Variants in ITFG1 observed in about 807,000 individuals in gnomAD.
The protein encoded by ITFG1 is T-cell immunomodulatory protein.
Under a neutral mutation model 81.8 loss-of-function variants are expected in ITFG1, and 34 were observed. That is an observed-to-expected ratio of 0.42 (90% confidence interval 0.32 to 0.55). The LOEUF (loss-of-function observed/expected upper bound fraction) is 0.55, where lower values mean the gene tolerates loss of function less well. Ranked by LOEUF, ITFG1 falls within the 20% of genes least tolerant of loss-of-function variation. The probability of loss-of-function intolerance (pLI) is 0.17; values close to 1 mark genes in which losing one functional copy is unlikely to be tolerated. For synonymous variants in ITFG1, 285 were observed against 270.6 expected, an observed-to-expected ratio of 1.05 and a Z score of -0.52; for missense variants, 672 against 755.4, an observed-to-expected ratio of 0.89 and a Z score of 1.29.
intron 1 of ITFG1, among the ~76,000 whole-genome samples, chr16:47,459,845 G>A (rs1969503237): frequency 1.3e-5 from 2 of 152,180 alleles, no homozygotes. Context: ...GCAAAATGAG[G>A]AGTCAAAAAG....
chr16:47,249,854 C>T (rs1024813618), intron 12 of ITFG1, among the ~76,000 whole-genome samples: 1 of 152,128 alleles, frequency 6.6e-6, no homozygotes. Flanking sequence ...AAAACCAAAA[C>T]CCAAATATGG....
intron 7 of ITFG1, among the ~76,000 whole-genome samples, chr16:47,368,555 C>CAAAAAAAAAAAAAAAAAAAA (rs35965452): frequency 3.0e-5 from 1 of 33,574 alleles, no homozygotes; most frequent in African/African-American, 1.4e-4. Flanking sequence ...GACTCCATCT[C>CAAAAAAAAAAAAAAAAAAAA]AAAAAAAAAA....
intron 12 of ITFG1, among the ~76,000 whole-genome samples, chr16:47,238,903 C>CA (rs1020466488): frequency 1.3e-5 from 2 of 152,136 alleles, no homozygotes; most frequent in African/African-American, 4.8e-5. Context: ...GCTATCCCCC[C>CA]AAATTCATGT....
At chr16:47,448,384 A>G (rs1159480844) in intron 5 of ITFG1, 1 of 152,178 alleles carries the variant, frequency 6.6e-6, no homozygotes, top group African/African-American at 2.4e-5. Flanking sequence ...TAGAGAATAC[A>G]GTTTTTTTGA....
intron 6 of ITFG1, among the ~76,000 whole-genome samples, chr16:47,383,157 C>T (rs1968416625): frequency 6.6e-6 from 1 of 152,084 alleles, no homozygotes; most frequent in Non-Finnish European, 1.5e-5. Flanking sequence ...AGACTCTCCC[C>T]TTTCTCAAAA....
chr16:47,328,606 T>C (rs1354522648), intron 8 of ITFG1, among the ~76,000 whole-genome samples: 1 of 152,160 alleles, frequency 6.6e-6, no homozygotes, highest in African/African-American at 2.4e-5. Flanking sequence ...ATATCCTTGT[T>C]ATATAACTAA....
chr16:47,226,471 A>G (rs185868896), intron 13 of ITFG1, among the ~76,000 whole-genome samples: 1 of 151,778 alleles, frequency 6.6e-6, no homozygotes, highest in Non-Finnish European at 1.5e-5. Context: ...TGCTGCACCC[A>G]TTAACTCGTC....
rs186651999 is a variant in ITFG1 at position 47,383,841 on chromosome 16, T to C, written c.656-7901A>G. 9.3e-4 allele frequency among the ~76,000 whole-genome samples: 142 copies of C among 152,244 alleles called. 1 individual carries two copies. Among genetic ancestry groups the C allele is most frequent in the Non-Finnish European group, 1.5e-3 (105 of 68,010 alleles). On this transcript the variant is annotated intron_variant, in intron 6 of 17. Transcript: ENST00000320640. Reference sequence around the variant, plus strand: ...ATTGCTTGAATCCAGGAGGCGGAGGTTGCAGTGAGCCAAGATCGTGCCATT... The same window carrying C: ...ATTGCTTGAATCCAGGAGGCGGAGGCTGCAGTGAGCCAAGATCGTGCCATT...
At chr16:47,166,995 T>G (rs552579573) in intron 14 of ITFG1, among the ~76,000 whole-genome samples, 1 of 152,346 alleles carries the variant, frequency 6.6e-6, no homozygotes, top group African/African-American at 2.4e-5. Context: ...TTAACTACTT[T>G]AGAGTGTAGA....
chr16:47,457,978 G>A (rs1969475430), intron 2 of ITFG1, among the ~76,000 whole-genome samples: 1 of 152,178 alleles, frequency 6.6e-6, no homozygotes, highest in Admixed American at 6.5e-5. Context: ...TTTAACATGA[G>A]TTTGAGTTTA....
intron 10 of ITFG1, among the ~76,000 whole-genome samples, chr16:47,280,250 A>AT (rs1349054899): frequency 2.0e-5 from 3 of 152,086 alleles, no homozygotes; most frequent in South Asian, 2.1e-4. Flanking sequence ...TTGGCTGTAG[A>AT]TTTTTTTATA....
intron 10 of ITFG1, among the ~76,000 whole-genome samples, chr16:47,307,114 A>C (rs1463568005): frequency 6.7e-5 from 10 of 148,204 alleles, no homozygotes; most frequent in African/African-American, 2.2e-4. Flanking sequence ...AAAAAAAAAA[A>C]AAAAAAAAAC....
intron 2 of ITFG1, among the ~76,000 whole-genome samples, chr16:47,456,564 C>T (rs546797992): frequency 6.6e-6 from 1 of 152,142 alleles, no homozygotes; most frequent in South Asian, 2.1e-4. Context: ...TGGCGTTGTG[C>T]ACCTGTAGTC....
intron 14 of ITFG1, among the ~76,000 whole-genome samples, chr16:47,190,385 T>C (rs1241137736): frequency 2.6e-5 from 4 of 152,236 alleles, no homozygotes; most frequent in Non-Finnish European, 5.9e-5. Context: ...ACTAGGTAGC[T>C]ATTATTACAT....
chr16:47,242,366 G>A (rs992667693), intron 12 of ITFG1, among the ~76,000 whole-genome samples: 1 of 151,294 alleles, frequency 6.6e-6, no homozygotes, highest in African/African-American at 2.4e-5. Context: ...ACACTCAACT[G>A]CACCAGTTAG....
intron 7 of ITFG1, among the ~76,000 whole-genome samples, chr16:47,373,640 T>A (rs115847162): frequency 1.3e-5 from 2 of 152,300 alleles, no homozygotes; most frequent in African/African-American, 4.8e-5. Context: ...TAGAAGCAAC[T>A]GCTCTTTGAA....
intron 5 of ITFG1, among the ~76,000 whole-genome samples, chr16:47,444,324 A>T (rs538532917): frequency 6.6e-6 from 1 of 152,340 alleles, no homozygotes; most frequent in Non-Finnish European, 1.5e-5. Flanking sequence ...CAGCTAAAAT[A>T]ATTTATGTTA....
At chr16:47,409,796 T>A (rs1200777707) in intron 6 of ITFG1, among the ~76,000 whole-genome samples, 1 of 151,652 alleles carries the variant, frequency 6.6e-6, no homozygotes, top group Non-Finnish European at 1.5e-5. Flanking sequence ...AAAACACATA[T>A]CATGACAGAA....
rs145771715 is a variant in ITFG1 at position 47,388,967 on chromosome 16, A to G, written c.656-13027T>C. Reference sequence around the variant, plus strand: ...CAAGACATGTTTCCCTCAAGATATAAGGAATGTTGTAATGCTGCCTTTGTT... The same window carrying G: ...CAAGACATGTTTCCCTCAAGATATAGGGAATGTTGTAATGCTGCCTTTGTT... On this transcript the variant is annotated intron_variant, in intron 6 of 17. Transcript: ENST00000320640. Among the ~76,000 whole-genome samples the G allele has an allele frequency of 9.9e-4, 151 of 152,262 alleles. 1 individual carries two copies. Among genetic ancestry groups the G allele is most frequent in the Middle Eastern group, 6.8e-3 (2 of 294 alleles).
Sources: allele counts gnomAD v4.1 joint callset (sites outside exome capture counted in the v4.1 genomes callset), GRCh38; gene constraint gnomAD v4.1.1; transcripts MANE v1.5; gene names NCBI Gene and HGNC (gene_info 2026-07-23, HGNC 2026-07-21).